CAMTA1: variants seen among roughly 807,000 people sequenced by gnomAD.
CAMTA1 encodes calmodulin-binding transcription activator 1.
In CAMTA1, 27 loss-of-function variants were observed where a neutral mutation model predicts 170.9. The observed-to-expected ratio is 0.16, with a 90% CI of 0.12 to 0.22. The LOEUF (loss-of-function observed/expected upper bound fraction) is 0.22. Among genes scored for constraint, CAMTA1 ranks in the 10% least tolerant of loss-of-function variants. The pLI is 1.00. For synonymous variants in CAMTA1, 833 were observed against 891.5 expected, an observed-to-expected ratio of 0.93 and a Z score of 1.17; for missense variants, 1,619 against 2,217.2, an observed-to-expected ratio of 0.73 and a Z score of 5.42.
chr1:7,399,429 T>A (rs2089712135), intron 5 of CAMTA1, among the ~76,000 whole-genome samples: 1 of 152,252 alleles, frequency 6.6e-6, no homozygotes, highest in Non-Finnish European at 1.5e-5. Context: ...CTTTTCTTTA[T>A]AAGCTACCCA....
rs148905936 is a variant in CAMTA1 at position 7,107,278 on chromosome 1, A to ATGTGTGTGTGTGTG, written c.302+15918_302+15931dup. ...TGTGTGCATGTGTATGTGTGTGTGC[A>ATGTGTGTGTGTGTG]TGTGTGTGTGTGTGTGTGTGTGTGC... On this transcript the variant is annotated intron_variant, in intron 4 of 22. Transcript: ENST00000303635. Among the ~76,000 whole-genome samples the ATGTGTGTGTGTGTG allele has an allele frequency of 5.1e-3, 732 of 142,418 alleles. 9 individuals carry two copies. The highest frequency in any genetic ancestry group is 0.016 in the African/African-American group (585 of 37,186). The allele number at this position is 142,418 out of a possible 152,430, so 93.4% of individuals were successfully genotyped here.
In CAMTA1 at chr1:7,724,247, A is replaced by AT. The variant is rs2096668275; in HGVS notation, c.2915-8199dup. Among the ~76,000 whole-genome samples, 7 of 152,362 alleles carry AT rather than the reference A, an allele frequency of 4.6e-5. No individual in the cohort carries two copies. The South Asian group carries it at 1.4e-3, about 32-fold the overall frequency. On this transcript the variant is annotated intron_variant, in intron 11 of 22. Coordinates refer to ENST00000303635, the MANE Select transcript of CAMTA1 (RefSeq NM_015215.4). ...TTAGATCCTGGAACAGAAAAAGGAC[A>AT]TTCATGGAAAAAGTGCTAAAATCGG... is the stretch of plus-strand genomic sequence containing the variant.
At chr1:6,839,020 G>T (rs1654551501) in intron 3 of CAMTA1, among the ~76,000 whole-genome samples, 1 of 152,092 alleles carries the variant, frequency 6.6e-6, no homozygotes, top group African/African-American at 2.4e-5. Flanking sequence ...GCCTCCCAAA[G>T]TGCTGGGATT....
chr1:7,695,008 A>C (rs2149441519), intron 11 of CAMTA1, among the ~76,000 whole-genome samples: 1 of 152,348 alleles, frequency 6.6e-6, no homozygotes, highest in South Asian at 2.1e-4. Flanking sequence ...CTGAGGCATA[A>C]AAAATGCATC....
intron 5 of CAMTA1, among the ~76,000 whole-genome samples, chr1:7,372,340 G>T (rs772939006): frequency 2.0e-5 from 3 of 152,218 alleles, no homozygotes; most frequent in Non-Finnish European, 2.9e-5. Context: ...GACTGAAAAT[G>T]TTGGTGAGAT....
chr1:7,589,879 C>A (rs777647686), intron 6 of CAMTA1, among the ~76,000 whole-genome samples: 1 of 152,218 alleles, frequency 6.6e-6, no homozygotes, highest in South Asian at 2.1e-4. Flanking sequence ...AGCCTCAAAC[C>A]CCGGCTGCCC....
At chr1:7,191,902 T>C (rs1004989738) in intron 4 of CAMTA1, among the ~76,000 whole-genome samples, 12 of 152,168 alleles carry the variant, frequency 7.9e-5, no homozygotes, top group African/African-American at 2.9e-4. Context: ...GAGATCTGGG[T>C]TCACTTTTTG....
At chr1:7,601,206 C>G (rs796971747) in intron 6 of CAMTA1, among the ~76,000 whole-genome samples, 2 of 146,968 alleles carry the variant, frequency 1.4e-5, no homozygotes, top group Non-Finnish European at 3.0e-5. Flanking sequence ...TGGGCGGAGA[C>G]GCTCCTCACT....
chr1:7,682,619 G>A lies in CAMTA1; in HGVS notation c.2914+4886G>A, dbSNP rs969859518. Among the ~76,000 whole-genome samples the A allele has an allele frequency of 5.9e-5, 9 of 152,202 alleles. No individual in the cohort carries two copies. Among genetic ancestry groups the A allele is most frequent in the African/African-American group, 1.7e-4 (7 of 41,444 alleles). The stretch of plus-strand genomic sequence containing the variant: ...GTACCAGCCTCCACCCACCAGAGCT[G>A]GGAGATCACACACTGTCCCAGAGTC... On this transcript the variant is annotated intron_variant, in intron 11 of 22. Coordinates refer to ENST00000303635, the MANE Select transcript of CAMTA1 (RefSeq NM_015215.4). The surrounding 1 kb of genome is among the most constrained non-coding windows in gnomAD (Gnocchi z 5.0).
chr1:7,065,014 G>A lies in CAMTA1; in HGVS notation c.235-26290G>A, dbSNP rs528418967. Among the ~76,000 whole-genome samples, 38 of 152,164 alleles carry A rather than the reference G, an allele frequency of 2.5e-4. No homozygotes were observed. The highest frequency in any genetic ancestry group is 4.2e-4 in the South Asian group (2 of 4,818). On this transcript the variant is annotated intron_variant, in intron 3 of 22. Transcript: ENST00000303635. This position sits in a 1 kb window ranked among gnomAD's most constrained non-coding sequence, Gnocchi z 5.2. ...TAGGTCACCAGCAGTGTCATCTACC[G>A]AGAAGGCAAAGCCTGGGGAAAAACA...
rs530365740 is a variant in CAMTA1, at chr1:7,146,086, C to CT, written c.302+54723dup. Among the ~76,000 whole-genome samples the CT allele has an allele frequency of 7.2e-5, 11 of 152,086 alleles. No homozygotes were observed. Among genetic ancestry groups the CT allele is most frequent in the African/African-American group, 1.4e-4 (6 of 41,412 alleles). On this transcript the variant is annotated intron_variant, in intron 4 of 22. Coordinates refer to ENST00000303635, the MANE Select transcript of CAMTA1 (RefSeq NM_015215.4). The surrounding 1 kb of genome is among the most constrained non-coding windows in gnomAD (Gnocchi z 4.3). Reference sequence around the variant, plus strand: ...ACTATGCCCAGTGCTTTAATTGGATCTTTTTTTTAAAATGGGATGATTGTA... The same window carrying CT: ...ACTATGCCCAGTGCTTTAATTGGATCTTTTTTTTTAAAATGGGATGATTGTA...
chr1:7,156,277 A>G (rs1186720615), intron 4 of CAMTA1, among the ~76,000 whole-genome samples: 1 of 139,668 alleles, frequency 7.2e-6, no homozygotes, highest in Non-Finnish European at 1.5e-5. Context: ...CTCCACCTCA[A>G]AAAAAAAAAA....
chr1:6,800,479 C>T (rs1643618113), intron 1 of CAMTA1, among the ~76,000 whole-genome samples: 1 of 152,066 alleles, frequency 6.6e-6, no homozygotes, highest in Non-Finnish European at 1.5e-5. Flanking sequence ...CATAGTTATT[C>T]TGTATGACAG....
intron 3 of CAMTA1, among the ~76,000 whole-genome samples, chr1:7,071,332 A>AT (rs1026268682): frequency 1.2e-4 from 18 of 152,208 alleles, no homozygotes; most frequent in Admixed American, 7.8e-4. Context: ...ATTTAATTGA[A>AT]TTTTTTTTGG....
chr1:7,636,716 A>T (rs2148902944), intron 6 of CAMTA1, among the ~76,000 whole-genome samples: 1 of 152,186 alleles, frequency 6.6e-6, no homozygotes, highest in Middle Eastern at 3.4e-3. Flanking sequence ...TCTCAAAAAA[A>T]AAAAAAGGAA....
intron 3 of CAMTA1, among the ~76,000 whole-genome samples, chr1:6,932,199 C>T (rs1684542266): frequency 6.6e-6 from 1 of 152,200 alleles, no homozygotes; most frequent in South Asian, 2.1e-4. Flanking sequence ...CCCCTCCTCG[C>T]CAGGCAACCA....
At chr1:7,017,873 C>T (rs1700777909) in intron 3 of CAMTA1, among the ~76,000 whole-genome samples, 2 of 152,092 alleles carry the variant, frequency 1.3e-5, no homozygotes, top group African/African-American at 2.4e-5. Flanking sequence ...CTCCAAAATG[C>T]GTTGGTTGGT....
chr1:7,319,860 AT>A lies in CAMTA1; in HGVS notation c.438+70244del, dbSNP rs35282935. 8.2e-3 allele frequency among the ~76,000 whole-genome samples: 1,237 copies of A among 149,990 alleles called. 10 individuals are homozygous for A. The highest frequency in any genetic ancestry group is 0.026 in the East Asian group (131 of 5,080). The stretch of plus-strand genomic sequence containing the variant: ...GATGTTTTTGATGCTATACTAAATC[AT>A]TTTTTTTTTCCTTGGCATACTAAAA... On this transcript the variant is annotated intron_variant, in intron 5 of 22. Coordinates refer to ENST00000303635, the MANE Select transcript of CAMTA1 (RefSeq NM_015215.4).
chr1:7,322,941 T>C (rs1285793799), intron 5 of CAMTA1, among the ~76,000 whole-genome samples: 1 of 56,648 alleles, frequency 1.8e-5, no homozygotes, highest in African/African-American at 6.3e-5. Flanking sequence ...CTTCTCTTTC[T>C]TTCCCTCCCC....
Sources: allele counts gnomAD v4.1 joint callset (sites outside exome capture counted in the v4.1 genomes callset), GRCh38; gene constraint gnomAD v4.1.1; non-coding constraint Gnocchi (gnomAD v3.1); transcripts MANE v1.5; gene names NCBI Gene and HGNC (gene_info 2026-07-23, HGNC 2026-07-21).